ZNF532: variants seen among roughly 807,000 people sequenced by gnomAD.
The protein encoded by ZNF532 is zinc finger protein 532.
Under a neutral mutation model 89.3 loss-of-function variants are expected in ZNF532, and 22 were observed. That is an observed-to-expected ratio of 0.25 (90% CI 0.18 to 0.35). ZNF532 has a LOEUF of 0.35. Among genes scored for constraint, ZNF532 ranks in the 10% least tolerant of loss-of-function variants. The probability of loss-of-function intolerance (pLI) is 1.00; values close to 1 mark genes in which losing one functional copy is unlikely to be tolerated. For missense variants in ZNF532, 1,132 were observed against 1,643.4 expected (o/e 0.69, Z 5.38); for synonymous variants, 606 against 649.6 (o/e 0.93, Z 1.02).
chr18:58,909,099 A>G (rs2060118202), intron 2 of ZNF532, among the ~76,000 whole-genome samples: 1 of 152,078 alleles, frequency 6.6e-6, no homozygotes, highest in Admixed American at 6.6e-5. Flanking sequence ...GATTACAGGC[A>G]TGCACTACCA....
chr18:58,975,759 G>A (rs1254998805), intron 7 of ZNF532, among the ~76,000 whole-genome samples: 1 of 152,154 alleles, frequency 6.6e-6, no homozygotes, highest in African/African-American at 2.4e-5. Flanking sequence ...TAAAAACTTT[G>A]GAAACCCTGC....
At chr18:58,880,774 C>CGCACA (rs1568227863) in intron 2 of ZNF532, among the ~76,000 whole-genome samples, 10 of 142,334 alleles carry the variant, frequency 7.0e-5, no homozygotes, top group African/African-American at 2.5e-4. Context: ...GCGCGCGCGT[C>CGCACA]TGTGTGTGTG....
chr18:58,965,336 T>TA (rs1346312757), intron 7 of ZNF532, among the ~76,000 whole-genome samples: 1 of 152,188 alleles, frequency 6.6e-6, no homozygotes, highest in Non-Finnish European at 1.5e-5. Context: ...GGGAGACAGT[T>TA]ACGAATCCCA....
chr18:58,888,756 AAATTAATATATATAAT>A (rs2058550323), intron 2 of ZNF532, among the ~76,000 whole-genome samples: 8 of 35,398 alleles, frequency 2.3e-4, no homozygotes, highest in African/African-American at 1.1e-3. Flanking sequence ...TATATATATA[AAATTAATATATATAAT>A]TTATATATAT....
intron 5 of ZNF532, among the ~76,000 whole-genome samples, chr18:58,943,309 A>G (rs1467269457): frequency 1.3e-5 from 2 of 149,610 alleles, no homozygotes; most frequent in Non-Finnish European, 3.0e-5. Flanking sequence ...ACAGGCGCCC[A>G]CCATCACGCC....
chr18:58,953,374 T>C, intron 6 of ZNF532, 144 bp from the exon 7 acceptor site: 1 of 697,508 alleles, frequency 1.4e-6, no homozygotes, highest in Non-Finnish European at 2.3e-6. Context: ...ATATTTAGCT[T>C]AGGTTTTTTT....
intron 7 of ZNF532, among the ~76,000 whole-genome samples, chr18:58,962,240 G>T (rs2065426288): frequency 6.6e-6 from 1 of 151,272 alleles, no homozygotes; most frequent in African/African-American, 2.4e-5. Context: ...AAAAAAAAAT[G>T]GATTCTAGGG....
chr18:58,934,393 TTAG>T, intron 3 of ZNF532, 37 bp from the exon 4 acceptor site: 1 of 1,586,164 alleles, frequency 6.3e-7, no homozygotes, highest in Non-Finnish European at 8.6e-7. Flanking sequence ...TAGAAAGTAC[TTAG>T]TAGGACCAAC....
At chr18:58,941,995 C>T (rs1215622816) in intron 5 of ZNF532, among the ~76,000 whole-genome samples, 2 of 137,320 alleles carry the variant, frequency 1.5e-5, no homozygotes, top group Non-Finnish European at 3.2e-5. Flanking sequence ...TCCTTCCCTT[C>T]CTTCCTTCCT....
chr18:58,953,228 A>G, intron 6 of ZNF532: 1 of 233,816 alleles, frequency 4.3e-6, no homozygotes, highest in Non-Finnish European at 8.3e-6. Flanking sequence ...AAGATAAAGT[A>G]CCAGGATTAA....
chr18:58,866,361 G>A lies in ZNF532; in HGVS notation c.-18+782G>A, dbSNP rs61319505. ...AGAGGAGAGAAGGAAGGAGTGAGGA[G>A]AGTAGCAAAGTGAAGAACAAAGGCT... On this transcript the variant is annotated intron_variant, in intron 2 of 9. Transcript: ENST00000591808. Among the ~76,000 whole-genome samples the A allele has an allele frequency of 2.5e-3, 387 of 152,314 alleles. 2 individuals are homozygous for A. Among genetic ancestry groups the A allele is most frequent in the Admixed American group, 0.011 (166 of 15,304 alleles).
chr18:58,912,771 C>T (rs955475635), intron 2 of ZNF532, among the ~76,000 whole-genome samples: 28 of 152,120 alleles, frequency 1.8e-4, no homozygotes, highest in Non-Finnish European at 3.5e-4. Context: ...TTTTTCTTTT[C>T]CACATTTTTT....
intron 2 of ZNF532, among the ~76,000 whole-genome samples, chr18:58,893,796 T>C (rs550308720): frequency 2.2e-4 from 34 of 152,336 alleles, no homozygotes; most frequent in African/African-American, 7.9e-4. Flanking sequence ...TATTTTGATA[T>C]TTAAAGGTTT....
rs1568246462 is a variant in ZNF532, at chr18:58,888,785, A to AT, written c.-18+23206_-18+23207insT. On this transcript the variant is annotated intron_variant, in intron 2 of 9. Transcript: ENST00000591808. ...TAATATATATAATTTATATATATAT[A>AT]AAATATATATAATTTATATATATAA... 6.9e-3 allele frequency among the ~76,000 whole-genome samples: 299 copies of AT among 43,050 alleles called. 15 individuals carry two copies. Among genetic ancestry groups the AT allele is most frequent in the African/African-American group, 0.033 (276 of 8,318 alleles). 28.2% of individuals were successfully genotyped at this position (43,050 alleles called of 152,430 possible).
Position 58,905,986 on chromosome 18 carries a change from T to C in ZNF532, c.-17-12285T>C, listed in dbSNP as rs573723873. On this transcript the variant is annotated intron_variant, in intron 2 of 9. Transcript: ENST00000591808. ...GTCTCCTGTGGTCAGGCTGGGGTAGTGTGTCTCTGGGAAGAAGGTCTCGGA... is the reference window on the plus strand; with the variant it reads ...GTCTCCTGTGGTCAGGCTGGGGTAGCGTGTCTCTGGGAAGAAGGTCTCGGA... 4.6e-5 allele frequency among the ~76,000 whole-genome samples: 7 copies of C among 152,258 alleles called. No homozygotes were observed. The East Asian group carries it at 1.4e-3, about 29-fold the overall frequency.
intron 2 of ZNF532, among the ~76,000 whole-genome samples, chr18:58,914,905 T>G (rs1334041926): frequency 1.3e-5 from 2 of 152,238 alleles, no homozygotes; most frequent in Non-Finnish European, 2.9e-5. Flanking sequence ...AATCTATTTT[T>G]AAGACAGTAG....
At chr18:58,940,594 T>G (rs2062901503) in intron 5 of ZNF532, among the ~76,000 whole-genome samples, 1 of 152,058 alleles carries the variant, frequency 6.6e-6, no homozygotes, top group African/African-American at 2.4e-5. Flanking sequence ...GCGGCCATCT[T>G]CTCCCCCATG....
At chr18:58,888,852 TAATTTATATATATATA>T in intron 2 of ZNF532, among the ~76,000 whole-genome samples, 1 of 39,110 alleles carries the variant, frequency 2.6e-5, no homozygotes, top group African/African-American at 1.3e-4. Context: ...TATATATATA[TAATTTATATATATATA>T]ATATATATTA....
chr18:58,983,220 C>T (rs992181591), intron 9 of ZNF532, among the ~76,000 whole-genome samples: 4 of 151,996 alleles, frequency 2.6e-5, no homozygotes, highest in Admixed American at 6.6e-5. Context: ...AGGAGGGGCA[C>T]GTTGGCTTGG....
Sources: gnomAD v4.1 joint callset for allele counts (sites outside exome capture counted in the v4.1 genomes callset) on GRCh38, gnomAD v4.1.1 for gene constraint, MANE v1.5 for transcripts, NCBI Gene and HGNC (gene_info 2026-07-23, HGNC 2026-07-21) for gene names.